RBMS3: variants seen among roughly 807,000 people sequenced by gnomAD.
RBMS3 encodes the protein RNA-binding motif, single-stranded-interacting protein 3.
Under a neutral mutation model 66.8 loss-of-function variants are expected in RBMS3, and 27 were observed. The observed-to-expected ratio is 0.40, with a 90% confidence interval of 0.30 to 0.56. The LOEUF is 0.56. Ranked by LOEUF, RBMS3 falls within the 20% of genes least tolerant of loss-of-function variation. The pLI is 0.40. For synonymous variants in RBMS3, 188 were observed against 183.0 expected, an observed-to-expected ratio of 1.03 and a Z score of -0.22; for missense variants, 513 against 549.5, an observed-to-expected ratio of 0.93 and a Z score of 0.66.
At chr3:29,873,006 A>G (rs1424647011) in intron 7 of RBMS3, among the ~76,000 whole-genome samples, 1 of 152,168 alleles carries the variant, frequency 6.6e-6, no homozygotes, top group Non-Finnish European at 1.5e-5. Flanking sequence ...GCCCCGTGGT[A>G]TAGTTTGAAG....
At chr3:29,643,152 T>C (rs2049787758) in intron 4 of RBMS3, among the ~76,000 whole-genome samples, 1 of 152,136 alleles carries the variant, frequency 6.6e-6, no homozygotes, top group Non-Finnish European at 1.5e-5. Context: ...CTCTGTTTGT[T>C]ATTTTGGGGC....
intron 6 of RBMS3, among the ~76,000 whole-genome samples, chr3:29,801,551 A>AGCCACC (rs11282221): frequency 0.4 from 60,653 of 150,546 alleles, 12,250 homozygotes; most frequent in African/African-American, 0.44. Flanking sequence ...TACAGGCATG[A>AGCCACC]GCACCTGACC....
At position 29,372,029 on chromosome 3, in the gene RBMS3, C is replaced by T. The variant is rs137976903; in HGVS notation, c.76-62714C>T. Among the ~76,000 whole-genome samples the T allele has an allele frequency of 5.1e-4, 77 of 152,208 alleles. 3 individuals carry two copies. The East Asian group carries it at 0.01, about 21-fold the overall frequency. On this transcript the variant is annotated intron_variant, in intron 1 of 14. Transcript: ENST00000383767. ...AGATAACTTCTAGATCACAGAACAA[C>T]AAGCATAGCCAAAAGGCACCTGGTA...
intron 1 of RBMS3, among the ~76,000 whole-genome samples, chr3:29,434,342 A>C (rs990292911): frequency 1.3e-5 from 2 of 152,202 alleles, no homozygotes; most frequent in African/African-American, 4.8e-5. Flanking sequence ...AAGGTAATAG[A>C]GGGAAACCAA....
At chr3:29,760,999 G>A (rs951606984) in intron 5 of RBMS3, among the ~76,000 whole-genome samples, 2 of 151,594 alleles carry the variant, frequency 1.3e-5, no homozygotes, top group African/African-American at 4.8e-5. Context: ...CATACTGAGC[G>A]TTAATGTTAA....
At chr3:29,972,044 A>C (rs1321190455) in intron 12 of RBMS3, among the ~76,000 whole-genome samples, 3 of 152,176 alleles carry the variant, frequency 2.0e-5, no homozygotes, top group Non-Finnish European at 4.4e-5. Flanking sequence ...GAGTGGAATA[A>C]AATTTACCCC....
chr3:29,785,274 A>G (rs1347116588), intron 6 of RBMS3, among the ~76,000 whole-genome samples: 2 of 152,156 alleles, frequency 1.3e-5, no homozygotes, highest in African/African-American at 4.8e-5. Context: ...TCAACAAAAT[A>G]CTAGTGAACT....
intron 6 of RBMS3, among the ~76,000 whole-genome samples, chr3:29,867,392 C>G (rs971143161): frequency 1.3e-5 from 2 of 149,824 alleles, no homozygotes; most frequent in African/African-American, 4.9e-5. Context: ...CAGTTTATAT[C>G]ACCTAGGCTT....
At chr3:29,985,877 T>C (rs1447624054) in intron 12 of RBMS3, among the ~76,000 whole-genome samples, 1 of 152,152 alleles carries the variant, frequency 6.6e-6, no homozygotes, top group African/African-American at 2.4e-5. Flanking sequence ...AATAATGGAA[T>C]AGATACTCAT....
intron 1 of RBMS3, among the ~76,000 whole-genome samples, chr3:29,346,010 T>C (rs930569293): frequency 6.6e-6 from 1 of 152,196 alleles, no homozygotes; most frequent in African/African-American, 2.4e-5. Context: ...TATTGTTATG[T>C]TGGTTTTCCT....
intron 8 of RBMS3, among the ~76,000 whole-genome samples, chr3:29,884,706 T>G (rs999020928): frequency 1.3e-5 from 2 of 151,872 alleles, no homozygotes; most frequent in Non-Finnish European, 1.5e-5. Context: ...TCCACCTACT[T>G]AGAACAAGTC....
In RBMS3 at chr3:29,697,245, G is replaced by A. The variant is rs143471433; in HGVS notation, c.400-42475G>A. The A allele has an allele frequency of 5.2e-4, 270 of 515,816 alleles. 3 individuals are homozygous for A. In the African/African-American group the frequency reaches 5.4e-3, roughly 10 times the overall value. 32.0% of individuals were successfully genotyped at this position (515,816 alleles called of 1,614,324 possible). On this transcript the variant is annotated intron_variant, in intron 4 of 14. Transcript: ENST00000383767. Reference sequence around the variant, plus strand: ...ATTAAAATTTGCTATTGAAACAAATGTAGTTTTGGTAAAGAAAAGCTATCA... The same window carrying A: ...ATTAAAATTTGCTATTGAAACAAATATAGTTTTGGTAAAGAAAAGCTATCA...
chr3:29,914,675 A>T (rs935279803), intron 10 of RBMS3, among the ~76,000 whole-genome samples: 3 of 151,876 alleles, frequency 2.0e-5, no homozygotes, highest in African/African-American at 7.2e-5. Flanking sequence ...GTCTTTTTGA[A>T]TTAATCAAAT....
chr3:29,405,434 A>C (rs781317237), intron 1 of RBMS3, among the ~76,000 whole-genome samples: 12 of 152,080 alleles, frequency 7.9e-5, no homozygotes, highest in Non-Finnish European at 1.6e-4. Context: ...TTCCACCACT[A>C]CTTCTGAATT....
chr3:29,691,947 C>CTTTT (rs1218393454), intron 4 of RBMS3, among the ~76,000 whole-genome samples: 1 of 53,548 alleles, frequency 1.9e-5, no homozygotes, highest in Non-Finnish European at 3.9e-5. Flanking sequence ...CTCTCTCTCT[C>CTTTT]TATTTTTTTT....
chr3:29,772,862 C>T, intron 6 of RBMS3, among the ~76,000 whole-genome samples: 1 of 151,994 alleles, frequency 6.6e-6, no homozygotes, highest in East Asian at 1.9e-4. Flanking sequence ...TATAACTGCT[C>T]ATAAGCACAT....
intron 1 of RBMS3, among the ~76,000 whole-genome samples, chr3:29,387,234 A>C (rs904834131): frequency 4.8e-4 from 73 of 152,324 alleles, no homozygotes; most frequent in African/African-American, 1.6e-3. Context: ...GTTATAAAAA[A>C]CTAAAAACTG....
intron 2 of RBMS3, among the ~76,000 whole-genome samples, chr3:29,485,153 C>G (rs1482657843): frequency 6.6e-6 from 1 of 152,102 alleles, no homozygotes; most frequent in African/African-American, 2.4e-5. Flanking sequence ...GTGGAATAAT[C>G]AAGTGTATCA....
chr3:29,292,709 G>A (rs908695406), intron 1 of RBMS3, among the ~76,000 whole-genome samples: 2 of 151,626 alleles, frequency 1.3e-5, no homozygotes, highest in Admixed American at 6.6e-5. Flanking sequence ...AACCTCAACC[G>A]GTTATTTATA....
Sources: gnomAD v4.1 joint callset for allele counts (sites outside exome capture counted in the v4.1 genomes callset) on GRCh38, gnomAD v4.1.1 for gene constraint, MANE v1.5 for transcripts, NCBI Gene and HGNC (gene_info 2026-07-23, HGNC 2026-07-21) for gene names.